The following STPG2 variants were observed in gnomAD, a reference collection of about 807,000 sequenced individuals.
STPG2 encodes sperm tail PG-rich repeat containing 2.
Under a neutral mutation model 54.2 loss-of-function variants are expected in STPG2, and 56 were observed. That is an observed-to-expected ratio of 1.03 (90% confidence interval 0.83 to 1.29). The LOEUF is 1.29. Among genes scored for constraint, STPG2 ranks in the 50% most tolerant of loss-of-function variants. The probability of loss-of-function intolerance (pLI) is 0.00; values close to 1 mark genes in which losing one functional copy is unlikely to be tolerated. For synonymous variants in STPG2, 200 were observed against 181.8 expected (o/e 1.10, Z -0.81); for missense variants, 596 against 544.9 (o/e 1.09, Z -0.93).
intron 8 of STPG2, among the ~76,000 whole-genome samples, chr4:97,879,206 T>C (rs1052953862): frequency 2.6e-5 from 4 of 152,202 alleles, no homozygotes; most frequent in African/African-American, 9.7e-5. Flanking sequence ...TCCCAAATTT[T>C]CCTGTCTACT....
At chr4:97,767,030 C>G (rs1209316183) in intron 9 of STPG2, among the ~76,000 whole-genome samples, 1 of 151,562 alleles carries the variant, frequency 6.6e-6, no homozygotes, top group African/African-American at 2.4e-5. Context: ...TCTAAAATTT[C>G]AAAATATTCA....
chr4:97,794,978 A>G (rs1287785347), intron 9 of STPG2, among the ~76,000 whole-genome samples: 4 of 152,184 alleles, frequency 2.6e-5, no homozygotes, highest in African/African-American at 7.2e-5. Flanking sequence ...CTGGCCACAA[A>G]GCTTGTAATA....
At position 98,010,235 on chromosome 4, in the gene STPG2, T is replaced by C. The variant is rs896910426; in HGVS notation, c.613-28917A>G. 3.3e-5 allele frequency among the ~76,000 whole-genome samples: 5 copies of C among 152,284 alleles called. No individual in the cohort carries two copies. In the East Asian group the frequency reaches 7.7e-4, roughly 23 times the overall value. On this transcript the variant is annotated intron_variant, in intron 5 of 10. Transcript: ENST00000295268. ...ATTTTGATGTAGGTATTTATTGATA[T>C]AAAATTCCCTCTTGACACTGCTTTC...
rs139385183 is a variant in STPG2, at chr4:98,065,768, T to C, written c.612+40185A>G. On this transcript the variant is annotated intron_variant, in intron 5 of 10. Coordinates refer to ENST00000295268, the MANE Select transcript of STPG2 (RefSeq NM_174952.3). ...TGAAAGAGAAAAACCCAGATCCTGA[T>C]GACTTCTTCGGGTCCTGAAACAGGG... Among the ~76,000 whole-genome samples the C allele has an allele frequency of 4.2e-3, 647 of 152,254 alleles. 3 individuals carry two copies. The highest frequency in any genetic ancestry group is 0.024 in the South Asian group (117 of 4,814).
chr4:97,672,052 A>G (rs1191303856), intron 10 of STPG2, among the ~76,000 whole-genome samples: 1 of 151,154 alleles, frequency 6.6e-6, no homozygotes, highest in African/African-American at 2.4e-5. Context: ...ACTATAAGGT[A>G]TTTTCAATTA....
At chr4:98,107,038 G>A (rs187406559) in intron 4 of STPG2, among the ~76,000 whole-genome samples, 31 of 152,088 alleles carry the variant, frequency 2.0e-4, no homozygotes, top group African/African-American at 7.0e-4. Context: ...TACCATCCCC[G>A]CTCACTGCTA....
chr4:97,568,162 T>G (rs1350387018), intron 10 of STPG2, among the ~76,000 whole-genome samples: 1 of 152,164 alleles, frequency 6.6e-6, no homozygotes, highest in African/African-American at 2.4e-5. Context: ...CGTTTGAACA[T>G]ACTTTAAAAA....
At chr4:97,890,605 T>A (rs984940) in intron 8 of STPG2, among the ~76,000 whole-genome samples, 88,282 of 151,540 alleles carry the variant, frequency 0.58, 26,291 homozygotes, top group East Asian at 0.74. Context: ...GAAGGAATAA[T>A]GTCTAATATT....
intron 9 of STPG2, among the ~76,000 whole-genome samples, chr4:97,721,470 A>G (rs1724446116): frequency 6.6e-6 from 1 of 152,150 alleles, no homozygotes; most frequent in Non-Finnish European, 1.5e-5. Context: ...TCAAATGGAT[A>G]TCTTTTACAA....
At chr4:97,906,188 C>A (rs918287950) in intron 8 of STPG2, among the ~76,000 whole-genome samples, 2 of 152,150 alleles carry the variant, frequency 1.3e-5, no homozygotes, top group Non-Finnish European at 2.9e-5. Flanking sequence ...GGGGATATCA[C>A]CACCGATCCC....
intron 9 of STPG2, among the ~76,000 whole-genome samples, chr4:97,787,196 T>A (rs1392877818): frequency 6.6e-6 from 1 of 151,712 alleles, no homozygotes; most frequent in East Asian, 1.9e-4. Flanking sequence ...TATTTCGTAC[T>A]TTTTTTTTCT....
chr4:97,661,955 T>C (rs1722386764), intron 10 of STPG2, among the ~76,000 whole-genome samples: 1 of 152,146 alleles, frequency 6.6e-6, no homozygotes, highest in Non-Finnish European at 1.5e-5. Context: ...AGTATAGAAG[T>C]TCTACTGATT....
chr4:97,590,638 G>GACACACACACAC lies in STPG2; in HGVS notation c.1321-31533_1321-31522dup, dbSNP rs5860506. Among the ~76,000 whole-genome samples, 577 of 138,642 alleles carry GACACACACACAC rather than the reference G, an allele frequency of 4.2e-3. 10 individuals carry two copies. In the East Asian group the frequency reaches 0.043, roughly 10 times the overall value. 91.0% of individuals were successfully genotyped at this position (138,642 alleles called of 152,430 possible). ...TGGCCTACATACACACAGACACACAGACACACACACACACACACACACACA... is the reference window on the plus strand; with the variant it reads ...TGGCCTACATACACACAGACACACAGACACACACACACACACACACACACACACACACACACA... On this transcript the variant is annotated intron_variant, in intron 10 of 10. Transcript: ENST00000295268.
intron 4 of STPG2, among the ~76,000 whole-genome samples, chr4:97,466,803 A>G (rs2148812194): frequency 6.6e-6 from 1 of 152,140 alleles, no homozygotes; most frequent in African/African-American, 2.4e-5. Flanking sequence ...AAAAGAAACT[A>G]GTGATCTTTC....
At chr4:97,456,836 A>G (rs1729534700) in intron 4 of STPG2, among the ~76,000 whole-genome samples, 1 of 145,508 alleles carries the variant, frequency 6.9e-6, no homozygotes, top group African/African-American at 2.7e-5. Flanking sequence ...TTGGAGCTAG[A>G]GTGAGCTGAG....
chr4:97,720,716 G>C (rs1458526894), intron 9 of STPG2, among the ~76,000 whole-genome samples: 1 of 151,952 alleles, frequency 6.6e-6, no homozygotes, highest in East Asian at 1.9e-4. Flanking sequence ...TATTTTAAAA[G>C]TTGTAAGTAT....
intron 9 of STPG2, among the ~76,000 whole-genome samples, chr4:97,813,620 T>C (rs1048153390): frequency 7.6e-6 from 1 of 132,146 alleles, no homozygotes; most frequent in Non-Finnish European, 1.5e-5. Flanking sequence ...AACAGGAGAA[T>C]TGCTTGAGCC....
intron 5 of STPG2, among the ~76,000 whole-genome samples, chr4:98,088,551 A>G (rs185479642): frequency 1.3e-4 from 20 of 151,976 alleles, no homozygotes; most frequent in Admixed American, 1.2e-3. Flanking sequence ...TTCAATTATT[A>G]TTAAGTTATT....
At chr4:98,135,411 A>G (rs1359541438) in intron 1 of STPG2, among the ~76,000 whole-genome samples, 1 of 151,882 alleles carries the variant, frequency 6.6e-6, no homozygotes, top group Non-Finnish European at 1.5e-5. Context: ...GCAACATAAA[A>G]GAGGTGAGCA....
Sources: gnomAD v4.1 joint callset for allele counts (sites outside exome capture counted in the v4.1 genomes callset) on GRCh38, gnomAD v4.1.1 for gene constraint, MANE v1.5 for transcripts, NCBI Gene and HGNC (gene_info 2026-07-23, HGNC 2026-07-21) for gene names.